Variants in TRPV3 observed in about 807,000 individuals in gnomAD.
TRPV3 encodes VRL-3.
Under a neutral mutation model 87.1 loss-of-function variants are expected in TRPV3, and 88 were observed. That is an observed-to-expected ratio of 1.01 (90% confidence interval 0.85 to 1.21). The LOEUF is 1.21. Among genes scored for constraint, TRPV3 ranks in the 50% most tolerant of loss-of-function variants. The pLI is 0.00. For missense variants in TRPV3, 1,054 were observed against 1,030.1 expected (o/e 1.02, Z -0.32); for synonymous variants, 438 against 423.3 (o/e 1.03, Z -0.43).
rs765685407 is a variant in TRPV3, at chr17:3,545,283, C to A, written c.120-12G>T. ...GGAAGAAGTGTGCACTGAGGGAACA[C>A]GGAGGAAGCCTGTTAGGGCCGAGCC... On this transcript the variant is annotated splice_polypyrimidine_tract_variant and intron_variant, in intron 2 of 17. Coordinates refer to ENST00000576742, the MANE Select transcript of TRPV3 (RefSeq NM_145068.4). The A allele has an allele frequency of 6.2e-7, 1 of 1,602,254 alleles. No homozygotes were observed. Among genetic ancestry groups the A allele is most frequent in the East Asian group, 2.2e-5 (1 of 44,772 alleles).
intron 8 of TRPV3, 43 bp downstream of exon 8, chr17:3,532,614 C>A: frequency 1.9e-6 from 3 of 1,604,158 alleles, no homozygotes; most frequent in Non-Finnish European, 2.6e-6. Context: ...GCTGTACCTC[C>A]TGACCTCCCG....
chr17:3,514,027 AT>A lies in TRPV3; in HGVS notation c.2279-17del. On this transcript the variant is annotated splice_polypyrimidine_tract_variant and intron_variant, in intron 17 of 17. Coordinates refer to ENST00000576742, the MANE Select transcript of TRPV3 (RefSeq NM_145068.4). ...TTGTTGAAATCTGCTTTTTAAAAAA[AT>A]ATATATTTTAGAAATATATCACTCT... 6.3e-7 allele frequency: 1 copy of A among 1,588,718 alleles called. No homozygotes were observed. Among genetic ancestry groups the A allele is most frequent in the South Asian group, 1.1e-5 (1 of 89,314 alleles).
intron 13 of TRPV3, 87 bp downstream of exon 13, chr17:3,524,111 C>A: frequency 2.0e-6 from 3 of 1,536,486 alleles, no homozygotes; most frequent in Non-Finnish European, 2.7e-6. Flanking sequence ...CCTTGGTAAA[C>A]CCCTCTTCCT....
intron 3 of TRPV3, 106 bp from the exon 4 acceptor site, chr17:3,544,771 T>C (rs1035160272): frequency 1.3e-6 from 1 of 766,640 alleles, no homozygotes; most frequent in African/African-American, 1.8e-5. Flanking sequence ...CCGAGGCAGG[T>C]GGATCACTTG....
Position 3,518,952 on chromosome 17 carries a change from C to T in TRPV3, c.1811-102G>A. ...CATGACAAGCCTGCTGCCTCCTTCT[C>T]TCTGGCCATTAAATCCCATCTCCAG... On this transcript the variant is annotated intron_variant, in intron 14 of 17. Coordinates refer to ENST00000576742, the MANE Select transcript of TRPV3 (RefSeq NM_145068.4). The surrounding 1 kb of genome is among the most constrained non-coding windows in gnomAD (Gnocchi z 4.3). 2.3e-6 allele frequency: 3 copies of T among 1,294,646 alleles called. No individual in the cohort carries two copies. Among genetic ancestry groups the T allele is most frequent in the Non-Finnish European group, 2.1e-6 (2 of 954,066 alleles). 80.2% of individuals were successfully genotyped at this position (1,294,646 alleles called of 1,614,324 possible). A position where few individuals can be genotyped will look rare whatever the true frequency, so the allele number is the denominator to read the frequency against.
intron 2 of TRPV3, among the ~76,000 whole-genome samples, chr17:3,547,596 G>A (rs1341845187): frequency 6.6e-6 from 1 of 152,196 alleles, no homozygotes; most frequent in East Asian, 1.9e-4. Flanking sequence ...ACTCCAGGCT[G>A]GGTGACAGAG....
At chr17:3,542,753 TC>T in intron 5 of TRPV3, 55 bp from the exon 6 acceptor site, 1 of 1,571,750 alleles carries the variant, frequency 6.4e-7, no homozygotes, top group Non-Finnish European at 8.6e-7. Context: ...CCCTTGGCCC[TC>T]CCAGCCCAGA....
At chr17:3,532,089 G>C (rs1567637566) in intron 8 of TRPV3, among the ~76,000 whole-genome samples, 1 of 152,196 alleles carries the variant, frequency 6.6e-6, no homozygotes, top group Non-Finnish European at 1.5e-5. Context: ...GCCCCTGAAA[G>C]AGATCTGAGC....
Position 3,535,449 on chromosome 17 carries a change from T to G in TRPV3, c.784+124A>C, listed in dbSNP as rs1213072062. 3.4e-5 allele frequency: 22 copies of G among 641,036 alleles called. No homozygotes were observed. In the East Asian group the frequency reaches 1.9e-3, roughly 55 times the overall value. The allele number at this position is 641,036 out of a possible 1,614,324, so 39.7% of individuals were successfully genotyped here. The stretch of plus-strand genomic sequence containing the variant: ...CCCTTCCTCCCTCTCCCTCCTCACT[T>G]CCTTCCTCCTTCCCTCTTTCTTCCC... On this transcript the variant is annotated intron_variant, in intron 7 of 17. Transcript: ENST00000576742.
Position 3,516,693 on chromosome 17 carries a change from T to C in TRPV3, c.2086-124A>G. The C allele has an allele frequency of 1.3e-5, 9 of 710,926 alleles. No homozygotes were observed. The South Asian group carries it at 1.3e-4, about 10-fold the overall frequency. The allele number at this position is 710,926 out of a possible 1,614,324, so 44.0% of individuals were successfully genotyped here. A position where few individuals can be genotyped will look rare whatever the true frequency, so the allele number is the denominator to read the frequency against. ...GCTTAATGCATAGATCGCAAGGGTT[T>C]GGCTAATCTACAGAATTCAAAGACA... On this transcript the variant is annotated intron_variant, in intron 15 of 17. Coordinates refer to ENST00000576742, the MANE Select transcript of TRPV3 (RefSeq NM_145068.4).
chr17:3,550,439 C>T (rs377552006), intron 2 of TRPV3, among the ~76,000 whole-genome samples: 23 of 151,728 alleles, frequency 1.5e-4, no homozygotes, highest in East Asian at 5.8e-4. Flanking sequence ...ATAGTGTCCT[C>T]GTGCTGCCAA....
rs142829414 is a variant in TRPV3, at chr17:3,524,246, A to G, written c.1695T>C (p.Tyr565=). Residue 565 remains tyrosine, a synonymous_variant, in exon 13 of 18, where the codon TAT becomes TAC. Coordinates refer to ENST00000576742, the MANE Select transcript of TRPV3 (RefSeq NM_145068.4). ...MALGWANMLY[Y]TRGFQSMGMY... is the part of the protein sequence containing the mutation. ...TGCCCATGGACTGGAAACCCCGCGTATAGTAGAGCATGTTCGCCCAGCCCA... is the reference window on the plus strand; with the variant it reads ...TGCCCATGGACTGGAAACCCCGCGTGTAGTAGAGCATGTTCGCCCAGCCCA... The G allele has an allele frequency of 1.5e-4, 235 of 1,614,136 alleles. No homozygotes were observed. The highest frequency in any genetic ancestry group is 2.8e-4 in the Admixed American group (17 of 60,012).
intron 9 of TRPV3, among the ~76,000 whole-genome samples, chr17:3,529,678 G>C (rs891045511): frequency 1.3e-5 from 2 of 152,014 alleles, no homozygotes; most frequent in Non-Finnish European, 2.9e-5. Context: ...ATACACCAAC[G>C]GGGGGTGGGA....
chr17:3,515,575 C>T (rs1294388251), intron 16 of TRPV3, among the ~76,000 whole-genome samples: 6 of 152,010 alleles, frequency 3.9e-5, no homozygotes, highest in East Asian at 3.9e-4. Context: ...GCAGGAGAAT[C>T]GCTTCAACCA....
chr17:3,515,736 C>T (rs1037410447), intron 16 of TRPV3, among the ~76,000 whole-genome samples: 2 of 151,852 alleles, frequency 1.3e-5, no homozygotes, highest in South Asian at 2.1e-4. Context: ...AAAGTAGCCA[C>T]GTCACTTTCC....
In TRPV3 at chr17:3,528,387, T is replaced by C. The variant is rs2074318922; in HGVS notation, c.1402-261A>G. Among the ~76,000 whole-genome samples the C allele has an allele frequency of 6.6e-6, 1 of 152,130 alleles. No individual in the cohort carries two copies. Among genetic ancestry groups the C allele is most frequent in the Non-Finnish European group, 1.5e-5 (1 of 68,016 alleles). On this transcript the variant is annotated intron_variant, in intron 10 of 17. Coordinates refer to ENST00000576742, the MANE Select transcript of TRPV3 (RefSeq NM_145068.4). The surrounding 1 kb of genome is among the most constrained non-coding windows in gnomAD (Gnocchi z 4.2). ...ACCCTCACACTCCATTGCAATAGCCTTTCCGGAACCCATCCATATCCAGGC... is the reference window on the plus strand; with the variant it reads ...ACCCTCACACTCCATTGCAATAGCCCTTCCGGAACCCATCCATATCCAGGC...
In TRPV3 at chr17:3,528,719, G is replaced by T. The variant is rs2074322020; in HGVS notation, c.1401+118C>A. 5.1e-5 allele frequency: 64 copies of T among 1,247,044 alleles called. 1 individual carries two copies. The South Asian group carries it at 8.6e-4, about 17-fold the overall frequency. The allele number at this position is 1,247,044 out of a possible 1,614,324, so 77.2% of individuals were successfully genotyped here. ...CTGGGAAGCGTGAAGGACAACTGGG[G>T]GACCCCGCCCAATCTCCTGGTCTCT... On this transcript the variant is annotated intron_variant, in intron 10 of 17. Transcript: ENST00000576742. The surrounding 1 kb of genome is among the most constrained non-coding windows in gnomAD (Gnocchi z 4.2).
At chr17:3,555,665 G>C (rs1272077752) in intron 1 of TRPV3, among the ~76,000 whole-genome samples, 3 of 152,156 alleles carry the variant, frequency 2.0e-5, no homozygotes, top group Non-Finnish European at 4.4e-5. Context: ...ATTGGGGAAG[G>C]GGGACTGATA....
chr17:3,514,615 G>A lies in TRPV3; in HGVS notation c.2256C>T (p.Asp752=). 1 of 1,613,946 alleles carries A rather than the reference G, an allele frequency of 6.2e-7. No homozygotes were observed. The highest frequency in any genetic ancestry group is 8.5e-7 in the Non-Finnish European group (1 of 1,179,824). The change falls in exon 17 of 18, where the codon GAC becomes GAT. Residue 752 remains aspartate (D), a synonymous_variant. Transcript: ENST00000576742. ...TACCTGTTCGTCTTACAGGCCCCGG[G>A]TCTTCGTTAAGGAAGGAGACGTGCG... ...WKTHVSFLNE[D]PGPVRRTDFN...
Sources: allele counts gnomAD v4.1 joint callset (sites outside exome capture counted in the v4.1 genomes callset), GRCh38; gene constraint gnomAD v4.1.1; non-coding constraint Gnocchi (gnomAD v3.1); transcripts MANE v1.5; gene names NCBI Gene and HGNC (gene_info 2026-07-23, HGNC 2026-07-21).